POLR3B: variants seen among roughly 807,000 people sequenced by gnomAD.
The protein encoded by POLR3B is DNA-directed RNA polymerase III subunit RPC2.
In POLR3B, 96 loss-of-function variants were observed where a neutral mutation model predicts 147.4. That is an observed-to-expected ratio of 0.65 (90% CI 0.55 to 0.77). The LOEUF is 0.77. Ranked by LOEUF, POLR3B falls within the 30% of genes least tolerant of loss-of-function variation. POLR3B has a pLI of 0.00. For synonymous variants in POLR3B, 461 were observed against 485.9 expected, an observed-to-expected ratio of 0.95 and a Z score of 0.67; for missense variants, 1,036 against 1,413.5, an observed-to-expected ratio of 0.73 and a Z score of 4.28.
At chr12:106,452,138 G>A (rs766852439) in intron 19 of POLR3B, among the ~76,000 whole-genome samples, 5 of 152,138 alleles carry the variant, frequency 3.3e-5, no homozygotes, top group African/African-American at 2.4e-5. Context: ...TGGTTAGTCA[G>A]CCATTCATTA....
chr12:106,468,289 G>C (rs2038035254), intron 23 of POLR3B, among the ~76,000 whole-genome samples: 1 of 152,088 alleles, frequency 6.6e-6, no homozygotes, highest in Admixed American at 6.5e-5. Context: ...TGTGGGATCG[G>C]TGGTGATGTC....
intron 19 of POLR3B, among the ~76,000 whole-genome samples, chr12:106,448,068 A>G (rs922195177): frequency 6.6e-6 from 1 of 152,074 alleles, no homozygotes; most frequent in Non-Finnish European, 1.5e-5. Context: ...GATTTTTAGC[A>G]TATTTATTCT....
At chr12:106,377,783 G>A (rs1319957502) in intron 7 of POLR3B, among the ~76,000 whole-genome samples, 4 of 152,052 alleles carry the variant, frequency 2.6e-5, no homozygotes, top group Admixed American at 6.5e-5. Context: ...ATAAAATCAC[G>A]TGCTGATCTT....
chr12:106,369,596 A>G lies in POLR3B; in HGVS notation c.317A>G (p.Asp106Gly). Residue 106 changes from aspartate to glycine, a missense_variant, in exon 6 of 28, where the codon GAC becomes GGC. By Grantham distance (94) the Asp-to-Gly change is moderately conservative (BLOSUM62 -1). Coordinates refer to ENST00000228347, the MANE Select transcript of POLR3B (RefSeq NM_018082.6). ...ATTCTCTTTCAGTGCCGTTTGAGAG[A>G]CATGACATACTCTGCCCCTATTACA... is the stretch of plus-strand genomic sequence containing the variant. Reference protein sequence around the residue: ...PVSPHECRLRDMTYSAPITVD... With the variant: ...PVSPHECRLRGMTYSAPITVD... 2 of 1,610,156 alleles carry G rather than the reference A, an allele frequency of 1.2e-6. No individual in the cohort carries two copies. The highest frequency in any genetic ancestry group is 1.7e-6 in the Non-Finnish European group (2 of 1,176,428).
chr12:106,377,003 C>G (rs1771559601), intron 7 of POLR3B, among the ~76,000 whole-genome samples: 1 of 152,054 alleles, frequency 6.6e-6, no homozygotes, highest in African/African-American at 2.4e-5. Context: ...ATTTGTCAGT[C>G]TTTTCTTTCT....
At chr12:106,372,543 G>A (rs752849660) in intron 6 of POLR3B, among the ~76,000 whole-genome samples, 11 of 151,866 alleles carry the variant, frequency 7.2e-5, no homozygotes, top group African/African-American at 2.4e-4. Flanking sequence ...GTTTCACCAC[G>A]TTGGCCAGGC....
rs138257827 is a variant in POLR3B at position 106,409,346 on chromosome 12, G to GTTTTTTT, written c.967-1478_967-1472dup. Among the ~76,000 whole-genome samples the GTTTTTTT allele has an allele frequency of 9.3e-4, 63 of 67,472 alleles. 17 individuals carry two copies. Among genetic ancestry groups the GTTTTTTT allele is most frequent in the African/African-American group, 3.6e-3 (44 of 12,382 alleles). 44.3% of individuals were successfully genotyped at this position (67,472 alleles called of 152,430 possible). ...TAACTGGTGTTACGATTGTAAGAGG[G>GTTTTTTT]TTTTTTTTGTTTTTTTTTTTTTTTT... On this transcript the variant is annotated intron_variant, in intron 11 of 27. Transcript: ENST00000228347.
intron 6 of POLR3B, among the ~76,000 whole-genome samples, chr12:106,371,386 C>G (rs1407629179): frequency 6.6e-6 from 1 of 152,112 alleles, no homozygotes; most frequent in Non-Finnish European, 1.5e-5. Context: ...TGTGGCGATT[C>G]CTCAGGGATC....
rs1458873206 is a variant in POLR3B, at chr12:106,496,785, G to T, written c.2851G>T (p.Ala951Ser). ...GKLIELLAGK[A>S]GVLDGRFHYG... ...GCTCATTGAGCTGCTGGCTGGCAAG[G>T]CCGGTGTGCTGGACGGCAGATTCCA... is the stretch of plus-strand genomic sequence containing the variant. The change falls in exon 25 of 28, where the codon GCC becomes TCC. Residue 951 changes from alanine to serine, a missense_variant. By Grantham distance (99) the Ala-to-Ser change is moderately conservative. Coordinates refer to ENST00000228347, the MANE Select transcript of POLR3B (RefSeq NM_018082.6). 1.2e-6 allele frequency: 2 copies of T among 1,614,168 alleles called. No individual in the cohort carries two copies. The highest frequency in any genetic ancestry group is 1.7e-6 in the Non-Finnish European group (2 of 1,180,032).
intron 20 of POLR3B, 60 bp from the exon 21 acceptor site, chr12:106,457,078 A>G (rs1323333424): frequency 4.9e-6 from 7 of 1,440,368 alleles, no homozygotes; most frequent in South Asian, 1.1e-5. Context: ...GCACAAATCC[A>G]TATTTCCTTA....
At chr12:106,490,432 A>G (rs1244290521) in intron 23 of POLR3B, among the ~76,000 whole-genome samples, 1 of 152,224 alleles carries the variant, frequency 6.6e-6, no homozygotes. Flanking sequence ...ATTGTCTTCT[A>G]GCGCCTCCTC....
At chr12:106,406,379 A>C (rs1185479903) in intron 11 of POLR3B, among the ~76,000 whole-genome samples, 1 of 152,240 alleles carries the variant, frequency 6.6e-6, no homozygotes, top group Non-Finnish European at 1.5e-5. Context: ...CTTATGTAAA[A>C]TATGCTTATG....
At chr12:106,358,695 G>A (rs2036424246) in intron 1 of POLR3B, among the ~76,000 whole-genome samples, 1 of 152,204 alleles carries the variant, frequency 6.6e-6, no homozygotes, top group South Asian at 2.1e-4. Flanking sequence ...AAGAGAACAG[G>A]ATACTTGAAA....
chr12:106,467,519 T>G (rs986978003), intron 23 of POLR3B, among the ~76,000 whole-genome samples: 2 of 152,170 alleles, frequency 1.3e-5, no homozygotes, highest in Admixed American at 1.3e-4. Context: ...GAGGGCATCC[T>G]TGTCTTGTGC....
Position 106,459,284 on chromosome 12 carries a change from A to AT in POLR3B, c.2487dup (p.Lys830Ter), listed in dbSNP as rs1565903010. 6.2e-7 allele frequency: 1 copy of AT among 1,609,138 alleles called. No homozygotes were observed. Among genetic ancestry groups the AT allele is most frequent in the East Asian group, 2.2e-5 (1 of 44,856 alleles). ...GTAGAAAACAAACAAGTGCTTGTAA[A>AT]TAAGTCCATGCCCACAGTGACTCAG... is the stretch of plus-strand genomic sequence containing the variant. On this transcript the variant is annotated frameshift_variant, in exon 22 of 28. Transcript: ENST00000228347. LOFTEE classifies it high-confidence loss of function.
intron 12 of POLR3B, among the ~76,000 whole-genome samples, chr12:106,417,300 A>T (rs2037317712): frequency 6.6e-6 from 1 of 152,168 alleles, no homozygotes; most frequent in African/African-American, 2.4e-5. Flanking sequence ...GGAGGAACTG[A>T]TAGAGGGTCA....
At chr12:106,485,523 C>T (rs1180858834) in intron 23 of POLR3B, among the ~76,000 whole-genome samples, 1 of 152,072 alleles carries the variant, frequency 6.6e-6, no homozygotes, top group Non-Finnish European at 1.5e-5. Flanking sequence ...GTGGCTTGGA[C>T]TAGGACAGCA....
At chr12:106,474,591 T>G (rs1463864388) in intron 23 of POLR3B, among the ~76,000 whole-genome samples, 1 of 148,070 alleles carries the variant, frequency 6.8e-6, no homozygotes, top group African/African-American at 2.5e-5. Context: ...GGTTTAGTCT[T>G]GGGAGAGTGT....
chr12:106,475,828 A>C, intron 23 of POLR3B, among the ~76,000 whole-genome samples: 1 of 150,510 alleles, frequency 6.6e-6, no homozygotes, highest in African/African-American at 2.4e-5. Context: ...CCAACTTGCC[A>C]GTCTGTGTCT....
Sources: allele counts gnomAD v4.1 joint callset (sites outside exome capture counted in the v4.1 genomes callset), GRCh38; gene constraint gnomAD v4.1.1; transcripts MANE v1.5; gene names NCBI Gene and HGNC (gene_info 2026-07-23, HGNC 2026-07-21).